NXPE2: variants seen among roughly 807,000 people sequenced by gnomAD.
The protein encoded by NXPE2 is NXPE family member 2.
A neutral mutation model predicts 34.4 loss-of-function variants in NXPE2; 34 were observed. The ratio of observed to expected loss-of-function variants is 0.99; its 90% CI spans 0.75 to 1.31. NXPE2 has a LOEUF of 1.31. NXPE2 is among the 40% of genes most tolerant of loss of function. NXPE2 has a pLI of 0.00. For synonymous variants in NXPE2, 235 were observed against 231.3 expected, an observed-to-expected ratio of 1.02 and a Z score of -0.15; for missense variants, 649 against 672.5, an observed-to-expected ratio of 0.97 and a Z score of 0.39.
chr11:114,601,882 A>T, the NXPE2 span, among the ~76,000 whole-genome samples: 2 of 1,278 alleles, frequency 1.6e-3, no homozygotes, highest in East Asian at 0.059. Flanking sequence ...TATTATATAT[A>T]ATTATATATT....
the NXPE2 span, among the ~76,000 whole-genome samples, chr11:114,541,751 T>C: frequency 1.4e-3 from 208 of 152,308 alleles, no homozygotes; most frequent in Admixed American, 3.6e-3. Flanking sequence ...GACCTGAGAT[T>C]AATAGAAGAA....
At chr11:114,527,923 AT>A in the NXPE2 span, 1 of 1,577,810 alleles carries the variant, frequency 6.3e-7, no homozygotes, top group African/African-American at 1.4e-5. Flanking sequence ...AAATAGAACA[AT>A]AAATTAGCCT....
the NXPE2 span, chr11:114,522,148 C>G: frequency 1.2e-6 from 2 of 1,614,082 alleles, no homozygotes; most frequent in Non-Finnish European, 1.7e-6. Flanking sequence ...CTCCAAACCT[C>G]TCTGTCTCTA....
intron 2 of NXPE2, among the ~76,000 whole-genome samples, chr11:114,682,310 T>C (rs1012446370): frequency 6.6e-6 from 1 of 152,192 alleles, no homozygotes. Flanking sequence ...ACATTAATGA[T>C]TAATTTATAA....
At chr11:114,527,892 C>T in the NXPE2 span, 1 of 1,574,404 alleles carries the variant, frequency 6.4e-7, no homozygotes, top group East Asian at 2.3e-5. Flanking sequence ...TTTCAACTCC[C>T]ACTTTGGACC....
chr11:114,703,675 TA>T (rs1194481488), intron 3 of NXPE2, among the ~76,000 whole-genome samples: 145 of 23,018 alleles, frequency 6.3e-3, no homozygotes, highest in African/African-American at 0.021. Context: ...GATAGATAGA[TA>T]GATAGATAGA....
chr11:114,582,613 G>A, the NXPE2 span: 1 of 1,614,144 alleles, frequency 6.2e-7, no homozygotes, highest in Non-Finnish European at 8.5e-7. Flanking sequence ...TCCCAGAACA[G>A]AGTGAAGCTG....
chr11:114,707,360 T>C (rs1272424850), downstream of NXPE2: 1 of 376,288 alleles, frequency 2.7e-6, no homozygotes, highest in East Asian at 9.7e-5. Context: ...CCTCCCAAAG[T>C]GCTGGGATTA....
chr11:114,777,725 G>A, the NXPE2 span, among the ~76,000 whole-genome samples: 2 of 152,194 alleles, frequency 1.3e-5, no homozygotes, highest in Non-Finnish European at 2.9e-5. Flanking sequence ...ATAGTACAGT[G>A]ATGAAAAGCA....
At chr11:114,673,991 C>G (rs1950829139), upstream of NXPE2, among the ~76,000 whole-genome samples, 2 of 151,548 alleles carry the variant, frequency 1.3e-5, no homozygotes, top group African/African-American at 4.8e-5. Flanking sequence ...AGGATAAAGA[C>G]AAAACTAGAA....
At chr11:114,791,278 TTGG>T in the NXPE2 span, among the ~76,000 whole-genome samples, 1 of 152,104 alleles carries the variant, frequency 6.6e-6, no homozygotes, top group Non-Finnish European at 1.5e-5. Context: ...TGCTTTGCTG[TTGG>T]TGGTTGTGGA....
chr11:114,784,961 A>G, the NXPE2 span, among the ~76,000 whole-genome samples: 1 of 152,266 alleles, frequency 6.6e-6, no homozygotes, highest in Non-Finnish European at 1.5e-5. Context: ...TGCTGGAGGT[A>G]TAGATAAAAA....
chr11:114,631,539 G>C, the NXPE2 span, among the ~76,000 whole-genome samples: 2 of 113,912 alleles, frequency 1.8e-5, no homozygotes, highest in Admixed American at 1.1e-4. Flanking sequence ...GGGGGGAGGG[G>C]GGAGGGATAG....
chr11:114,663,787 A>G, the NXPE2 span, among the ~76,000 whole-genome samples: 2 of 152,134 alleles, frequency 1.3e-5, no homozygotes, highest in Non-Finnish European at 2.9e-5. Context: ...CAAAATTTAA[A>G]CATTTCATCC....
the NXPE2 span, among the ~76,000 whole-genome samples, chr11:114,726,146 G>A: frequency 1.4e-4 from 21 of 151,486 alleles, no homozygotes; most frequent in African/African-American, 3.9e-4. Flanking sequence ...AGAATTCTGT[G>A]TTGACAGTTG....
the NXPE2 span, among the ~76,000 whole-genome samples, chr11:114,743,075 C>T: frequency 8.1e-6 from 1 of 122,758 alleles, no homozygotes; most frequent in Non-Finnish European, 1.8e-5. Flanking sequence ...CCTGGTTTTG[C>T]AATAAATATT....
At chr11:114,650,156 G>A in the NXPE2 span, among the ~76,000 whole-genome samples, 6 of 152,196 alleles carry the variant, frequency 3.9e-5, no homozygotes, top group South Asian at 4.2e-4. Context: ...CCAAATGGCC[G>A]GAATTCTAAA....
the NXPE2 span, among the ~76,000 whole-genome samples, chr11:114,793,669 CTGTCTT>C: frequency 6.6e-6 from 1 of 152,080 alleles, no homozygotes; most frequent in East Asian, 1.9e-4. Context: ...AAAGCACAGA[CTGTCTT>C]TGTATGGGTT....
chr11:114,759,406 G>A, the NXPE2 span, among the ~76,000 whole-genome samples: 1 of 152,178 alleles, frequency 6.6e-6, no homozygotes, highest in Non-Finnish European at 1.5e-5. Flanking sequence ...CACCTCTGGG[G>A]TGTTGTGAAG....
Sources: allele counts gnomAD v4.1 joint callset (sites outside exome capture counted in the v4.1 genomes callset), GRCh38; gene constraint gnomAD v4.1.1; transcripts MANE v1.5; gene names NCBI Gene and HGNC (gene_info 2026-07-23, HGNC 2026-07-21).